PPM1L: variants seen among roughly 807,000 people sequenced by gnomAD.
PPM1L encodes the protein protein phosphatase, Mg2+/Mn2+ dependent 1L.
PPM1L carries 13 observed loss-of-function variants against 31.4 expected under a neutral mutation model. The ratio of observed to expected loss-of-function variants is 0.41; its 90% CI spans 0.27 to 0.66. The LOEUF is 0.66. Among genes scored for constraint, PPM1L ranks in the 30% least tolerant of loss-of-function variants. The pLI, the probability that PPM1L is intolerant of heterozygous loss-of-function variation, is 0.29. For synonymous variants in PPM1L, 184 were observed against 175.4 expected (o/e 1.05, Z -0.39); for missense variants, 326 against 453.7 (o/e 0.72, Z 2.56).
At chr3:161,000,061 T>A (rs1445025796) in intron 2 of PPM1L, among the ~76,000 whole-genome samples, 1 of 152,188 alleles carries the variant, frequency 6.6e-6, no homozygotes, top group Non-Finnish European at 1.5e-5. Context: ...ACATAATAGA[T>A]GTTCGGTAAA....
chr3:161,048,705 A>G (rs34884182), intron 2 of PPM1L, among the ~76,000 whole-genome samples: 66,900 of 151,750 alleles, frequency 0.44, 15,933 homozygotes, highest in East Asian at 0.7. Flanking sequence ...GATAGACTGT[A>G]TTAAGCAAAT....
At chr3:160,917,221 G>GT (rs1714215094) in intron 1 of PPM1L, among the ~76,000 whole-genome samples, 1 of 152,130 alleles carries the variant, frequency 6.6e-6, no homozygotes, top group Non-Finnish European at 1.5e-5. Context: ...AAATTAATTA[G>GT]TGGGACAAAT....
intron 1 of PPM1L, among the ~76,000 whole-genome samples, chr3:160,763,655 A>G (rs1715027413): frequency 6.6e-6 from 1 of 152,184 alleles, no homozygotes; most frequent in South Asian, 2.1e-4. Flanking sequence ...TGTTCTGTAT[A>G]TATTGGAGAA....
chr3:161,039,515 A>ATTTTATTTTTTATG lies in PPM1L; in HGVS notation c.575-25876_575-25863dup, dbSNP rs1309977795. On this transcript the variant is annotated intron_variant, in intron 2 of 3. Transcript: ENST00000498165. Reference sequence around the variant, plus strand: ...GAATTTTATGAAACTCATACCTCATATTTTATTTTTTATGTTTTATTTTTT... The same window carrying ATTTTATTTTTTATG: ...GAATTTTATGAAACTCATACCTCATATTTTATTTTTTATGTTTTATTTTTTATGTTTTATTTTTT... Among the ~76,000 whole-genome samples, 11 of 151,954 alleles carry ATTTTATTTTTTATG rather than the reference A, an allele frequency of 7.2e-5. No homozygotes were observed. The East Asian group carries it at 1.6e-3, about 21-fold the overall frequency.
At chr3:160,771,102 A>G (rs77444117) in intron 1 of PPM1L, among the ~76,000 whole-genome samples, 2,519 of 152,312 alleles carry the variant, frequency 0.017, 67 homozygotes, top group African/African-American at 0.057. Flanking sequence ...AAGTATATGT[A>G]TGTAAAATAT....
rs1576776917 is a variant in PPM1L at position 161,005,175 on chromosome 3, C to T, written c.574+43265C>T. Among the ~76,000 whole-genome samples the T allele has an allele frequency of 3.3e-5, 5 of 152,232 alleles. No individual in the cohort carries two copies. In the Middle Eastern group the frequency reaches 0.01, roughly 311 times the overall value. On this transcript the variant is annotated intron_variant, in intron 2 of 3. Transcript: ENST00000498165. ...TTCATTTTGTTATGTACCCAGTAGT[C>T]ATTCAGGAGCAGGTTGTTCAGTTTC...
At chr3:160,995,510 G>A (rs1439660637) in intron 2 of PPM1L, among the ~76,000 whole-genome samples, 1 of 151,996 alleles carries the variant, frequency 6.6e-6, no homozygotes, top group Non-Finnish European at 1.5e-5. Context: ...TAGTAGTCAC[G>A]GGGTTTTGCC....
intron 2 of PPM1L, among the ~76,000 whole-genome samples, chr3:161,014,422 G>C (rs937282180): frequency 3.3e-5 from 5 of 149,834 alleles, no homozygotes; most frequent in Admixed American, 6.6e-5. Context: ...TTAGGGAATA[G>C]ACTGACACTG....
chr3:160,969,652 A>G (rs568831245), intron 2 of PPM1L, among the ~76,000 whole-genome samples: 3 of 152,188 alleles, frequency 2.0e-5, no homozygotes, highest in Non-Finnish European at 2.9e-5. Flanking sequence ...TCCTTACTTT[A>G]TATCTTCAAT....
intron 2 of PPM1L, 52 bp from the exon 3 acceptor site, chr3:161,065,351 A>G (rs988347692): frequency 2.0e-5 from 32 of 1,567,186 alleles, no homozygotes; most frequent in Non-Finnish European, 2.5e-5. Context: ...GAAGCAATGG[A>G]ACCTGAATGC....
chr3:160,995,037 T>C (rs1276454668), intron 2 of PPM1L, among the ~76,000 whole-genome samples: 1 of 152,176 alleles, frequency 6.6e-6, no homozygotes, highest in East Asian at 1.9e-4. Flanking sequence ...ACATTTCAAA[T>C]GGTGTTTTAA....
chr3:160,907,401 A>G (rs1229016620), intron 1 of PPM1L, among the ~76,000 whole-genome samples: 1 of 152,234 alleles, frequency 6.6e-6, no homozygotes, highest in African/African-American at 2.4e-5. Context: ...AATCACATCC[A>G]AAACTAAGAA....
intron 1 of PPM1L, among the ~76,000 whole-genome samples, chr3:160,766,998 C>A (rs1442113643): frequency 1.3e-5 from 2 of 150,398 alleles, no homozygotes; most frequent in Admixed American, 6.6e-5. Context: ...TACAGTGTTA[C>A]TAGGTGGAGA....
intron 2 of PPM1L, among the ~76,000 whole-genome samples, chr3:161,051,557 C>G (rs956434241): frequency 2.0e-5 from 3 of 152,054 alleles, no homozygotes; most frequent in Non-Finnish European, 4.4e-5. Flanking sequence ...CCAGATATAA[C>G]TAATATCAGG....
intron 1 of PPM1L, among the ~76,000 whole-genome samples, chr3:160,796,403 C>G (rs1712251238): frequency 6.6e-6 from 1 of 152,126 alleles, no homozygotes; most frequent in African/African-American, 2.4e-5. Context: ...CTAACCATTA[C>G]CCTTAATTTT....
chr3:161,045,753 G>A (rs1298800661), intron 2 of PPM1L, among the ~76,000 whole-genome samples: 1 of 152,010 alleles, frequency 6.6e-6, no homozygotes. Flanking sequence ...CTAGCAGAAG[G>A]CAAGAAATAA....
At chr3:160,933,470 C>A (rs767021346) in intron 1 of PPM1L, among the ~76,000 whole-genome samples, 3 of 152,102 alleles carry the variant, frequency 2.0e-5, no homozygotes, top group African/African-American at 7.2e-5. Context: ...AGGACAAGAG[C>A]TCTTCTTGTT....
rs976978279 is a variant in PPM1L at position 160,870,803 on chromosome 3, G to A, written c.400-90933G>A. ...TAATTAATAGAAAATGATTTCAATTGTCCTCTGTAATATTTCATTGAAATA... is the reference window on the plus strand; with the variant it reads ...TAATTAATAGAAAATGATTTCAATTATCCTCTGTAATATTTCATTGAAATA... On this transcript the variant is annotated intron_variant, in intron 1 of 3. Coordinates refer to ENST00000498165, the MANE Select transcript of PPM1L (RefSeq NM_139245.4). Among the ~76,000 whole-genome samples the A allele has an allele frequency of 5.9e-5, 9 of 152,136 alleles. No homozygotes were observed. The East Asian group carries it at 7.7e-4, about 13-fold the overall frequency.
At position 161,075,696 on chromosome 3, in the gene PPM1L, T is replaced by C. The variant is rs1291759089; in HGVS notation, c.*6539T>C. 9 of 152,122 alleles carry C rather than the reference T, an allele frequency of 5.9e-5. No individual in the cohort carries two copies. In the East Asian group the frequency reaches 1.7e-3, roughly 29 times the overall value. 9.4% of individuals were successfully genotyped at this position (152,122 alleles called of 1,614,324 possible). ...GGGAGAGTAATATAAAAGGAAATAT[T>C]TTAAATTAAGAAAAGGAGGTGTTAT... On this transcript the variant is annotated 3_prime_UTR_variant, in exon 4 of 4. Transcript: ENST00000498165.
Sources: allele counts gnomAD v4.1 joint callset (sites outside exome capture counted in the v4.1 genomes callset), GRCh38; gene constraint gnomAD v4.1.1; transcripts MANE v1.5; gene names NCBI Gene and HGNC (gene_info 2026-07-23, HGNC 2026-07-21).